AGXT: variants seen among roughly 807,000 people sequenced by gnomAD.
The protein encoded by AGXT is alanine--glyoxylate aminotransferase.
In AGXT, 41 loss-of-function variants were observed where a neutral mutation model predicts 46.9. The observed-to-expected ratio is 0.88, with a 90% confidence interval of 0.68 to 1.14. AGXT has a LOEUF of 1.14. AGXT is among the 50% of genes most tolerant of loss of function. AGXT has a pLI of 0.00. For missense variants in AGXT, 525 were observed against 522.7 expected, an observed-to-expected ratio of 1.00 and a Z score of -0.04; for synonymous variants, 244 against 227.9, an observed-to-expected ratio of 1.07 and a Z score of -0.64.
At chr2:240,877,892 C>T (rs1328593536) in intron 9 of AGXT, 130 bp from the exon 10 acceptor site, 3 of 1,329,744 alleles carry the variant, frequency 2.3e-6, no homozygotes, top group East Asian at 4.8e-5. Flanking sequence ...GGGGTCCCTG[C>T]TCTCTCCCGG....
chr2:240,874,071 C>A lies in AGXT; in HGVS notation c.680+9C>A. On this transcript the variant is annotated intron_variant, in intron 6 of 10. Coordinates refer to ENST00000307503, the MANE Select transcript of AGXT (RefSeq NM_000030.3). ...TTCAGTGACAAGGCCAAGTGAGTGACCCACAGACCCTCACCTCTGTGCAGG... is the reference window on the plus strand; with the variant it reads ...TTCAGTGACAAGGCCAAGTGAGTGAACCACAGACCCTCACCTCTGTGCAGG... The A allele has an allele frequency of 6.2e-7, 1 of 1,612,774 alleles. No individual in the cohort carries two copies. Among genetic ancestry groups the A allele is most frequent in the Non-Finnish European group, 8.5e-7 (1 of 1,179,376 alleles).
intron 2 of AGXT, 38 bp downstream of exon 2, chr2:240,869,400 A>G (rs754284892): frequency 2.6e-6 from 4 of 1,520,192 alleles, no homozygotes; most frequent in Admixed American, 2.0e-5. Flanking sequence ...CCCTGGATCC[A>G]TCCTTCAAGG....
intron 8 of AGXT, among the ~76,000 whole-genome samples, chr2:240,876,742 G>A (rs1310713961): frequency 1.3e-5 from 2 of 152,210 alleles, no homozygotes; most frequent in African/African-American, 2.4e-5. Flanking sequence ...GTGCCAGGGT[G>A]CCCCTGTAAG....
chr2:240,879,064 C>G lies in AGXT; in HGVS notation c.*243C>G, dbSNP rs2059043714. 1.7e-6 allele frequency: 1 copy of G among 592,526 alleles called. No individual in the cohort carries two copies. The highest frequency in any genetic ancestry group is 2.0e-5 in the South Asian group (1 of 50,670). 36.7% of individuals were successfully genotyped at this position (592,526 alleles called of 1,614,324 possible). ...AGTGCCTTCCAAATGAGCTGCAGTCCCCAGGCCATGAGCCTCCCGGGAATG... is the reference window on the plus strand; with the variant it reads ...AGTGCCTTCCAAATGAGCTGCAGTCGCCAGGCCATGAGCCTCCCGGGAATG... On this transcript the variant is annotated 3_prime_UTR_variant, in exon 11 of 11. Coordinates refer to ENST00000307503, the MANE Select transcript of AGXT (RefSeq NM_000030.3).
In AGXT at chr2:240,877,646, T is replaced by C; in HGVS notation, c.942+14T>C. ...GTGAAGGACCCGGTAAGGAGGCCCCTGGCATTGGGCAGCCCTGCACCCATG... is the reference window on the plus strand; with the variant it reads ...GTGAAGGACCCGGTAAGGAGGCCCCCGGCATTGGGCAGCCCTGCACCCATG... On this transcript the variant is annotated intron_variant, in intron 9 of 10. Coordinates refer to ENST00000307503, the MANE Select transcript of AGXT (RefSeq NM_000030.3). 7.7e-6 allele frequency: 12 copies of C among 1,550,128 alleles called. No homozygotes were observed. Among genetic ancestry groups the C allele is most frequent in the Non-Finnish European group, 9.6e-6 (11 of 1,146,702 alleles).
In AGXT at chr2:240,869,351, G is replaced by T. The variant is rs754372326; in HGVS notation, c.347G>T (p.Gly116Val). The T allele has an allele frequency of 2.5e-6, 4 of 1,597,030 alleles. No individual in the cohort carries two copies. Among genetic ancestry groups the T allele is most frequent in the Non-Finnish European group, 3.4e-6 (4 of 1,170,592 alleles). The change falls in exon 2 of 11, where the codon GGG (glycine) becomes GTG (valine). Residue 116 changes from glycine (G) to valine (V), a missense_variant. Gly to Val is a moderately radical substitution (Grantham distance 109). Transcript: ENST00000307503. ...GIWGQRAVDIGERIGARVHPM... is the reference protein window; with the variant it reads ...GIWGQRAVDIVERIGARVHPM... ...TGGGGGCAGCGAGCCGTGGACATCG[G>T]GGAGCGCATAGGTAAGGGAGAGGCC...
chr2:240,876,310 G>A (rs562342783), intron 8 of AGXT, among the ~76,000 whole-genome samples: 3 of 152,304 alleles, frequency 2.0e-5, no homozygotes, highest in East Asian at 1.9e-4. Flanking sequence ...AGGGGAGGCC[G>A]AAGGGGCCAG....
intron 4 of AGXT, 83 bp downstream of exon 4, chr2:240,871,532 C>T (rs961189534): frequency 1.5e-6 from 2 of 1,301,376 alleles, no homozygotes; most frequent in Non-Finnish European, 2.2e-6. Context: ...CCCTCTGGTC[C>T]TTCTGCCCCT....
rs1423387274 is a variant in AGXT, at chr2:240,879,957, T to C, written c.*1136T>C. 6.6e-6 allele frequency: 1 copy of C among 151,628 alleles called. No homozygotes were observed. The highest frequency in any genetic ancestry group is 1.5e-5 in the Non-Finnish European group (1 of 67,980). 9.4% of individuals were successfully genotyped at this position (151,628 alleles called of 1,614,324 possible). ...TGCCGTCCCGTCATATGGACGTGCG[T>C]CGTGGGCGCCGGTGTGTCTTGTTGC... On this transcript the variant is annotated 3_prime_UTR_variant, in exon 11 of 11. Transcript: ENST00000307503.
chr2:240,877,603 C>A lies in AGXT; in HGVS notation c.913C>A (p.Leu305Met). ...GTATCTGCATGGGCGCCTGCAGGCACTGGGGCTGCAGCTCTTCGTGAAGGA... is the reference window on the plus strand; with the variant it reads ...GTATCTGCATGGGCGCCTGCAGGCAATGGGGCTGCAGCTCTTCGTGAAGGA... The part of the protein sequence containing the change: ...AAYLHGRLQA[L>M]GLQLFVKDPA... Residue 305 changes from leucine (L) to methionine (M), a missense_variant, in exon 9 of 11, where the codon CTG (leucine) becomes ATG (methionine). Transcript: ENST00000307503. 6.4e-7 allele frequency: 1 copy of A among 1,550,968 alleles called. No homozygotes were observed. The highest frequency in any genetic ancestry group is 1.2e-5 in the South Asian group (1 of 84,082).
At chr2:240,873,113 C>A (rs1035293527) in intron 5 of AGXT, 64 bp downstream of exon 5, 7 of 1,435,508 alleles carry the variant, frequency 4.9e-6, no homozygotes, top group African/African-American at 1.4e-5. Context: ...GTGCAGGAAG[C>A]CCTGCTGGAA....
chr2:240,873,872 G>A lies in AGXT; in HGVS notation c.596-106G>A, dbSNP rs563332008. 7.3e-5 allele frequency: 74 copies of A among 1,010,264 alleles called. 1 individual carries two copies. Among genetic ancestry groups the A allele is most frequent in the South Asian group, 2.5e-4 (19 of 77,276 alleles). 62.6% of individuals were successfully genotyped at this position (1,010,264 alleles called of 1,614,324 possible). ...CTCCCCTGCTATCGTGTACGGATTCGTGGTAGGGTCGTAGCCTACCAGCCC... is the reference window on the plus strand; with the variant it reads ...CTCCCCTGCTATCGTGTACGGATTCATGGTAGGGTCGTAGCCTACCAGCCC... On this transcript the variant is annotated intron_variant, in intron 5 of 10. Transcript: ENST00000307503.
Position 240,869,089 on chromosome 2 carries a change from G to A in AGXT, c.165+59G>A, listed in dbSNP as rs117159232. On this transcript the variant is annotated intron_variant, in intron 1 of 10. Transcript: ENST00000307503. ...TCACCCATGTTCCCACCCACAGATC[G>A]TGGACGAGGGAAGGGGGTCACTGCC... 2.5e-4 allele frequency: 392 copies of A among 1,590,508 alleles called. 1 individual carries two copies. The highest frequency in any genetic ancestry group is 9.2e-4 in the African/African-American group (60 of 65,342).
At chr2:240,871,627 C>T (rs2058991399) in intron 4 of AGXT, among the ~76,000 whole-genome samples, 178 bp downstream of exon 4, 1 of 152,322 alleles carries the variant, frequency 6.6e-6, no homozygotes, top group Middle Eastern at 3.4e-3. Flanking sequence ...CTAAAGACAA[C>T]CCCAGGTCCC....
At chr2:240,869,091 G>A in intron 1 of AGXT, 61 bp downstream of exon 1, 1 of 1,611,900 alleles carries the variant, frequency 6.2e-7, no homozygotes, top group Non-Finnish European at 8.5e-7. Context: ...CACAGATCGT[G>A]GACGAGGGAA....
intron 3 of AGXT, 111 bp downstream of exon 3, chr2:240,870,819 C>A: frequency 2.7e-6 from 3 of 1,094,098 alleles, no homozygotes; most frequent in Admixed American, 2.1e-5. Context: ...GGCCGGGAGG[C>A]TGGTGGCTGA....
At chr2:240,878,587 T>TC in intron 10 of AGXT, 127 bp from the exon 11 acceptor site, 6 of 880,790 alleles carry the variant, frequency 6.8e-6, no homozygotes, top group Non-Finnish European at 1.1e-5. Context: ...GGCTGTCAAC[T>TC]CCCCTCATGG....
Position 240,873,985 on chromosome 2 carries a change from C to T in AGXT, c.603C>T (p.Asp201=). ...TPLYMDRQGI[D]ILYSGSQKAL... is the part of the protein sequence containing the mutation. ...CAAACCACCCATCTACAGGCATCGA[C>T]ATCCTGTACTCGGGCTCCCAGAAGG... is the stretch of plus-strand genomic sequence containing the variant. The change falls in exon 6 of 11, where the codon GAC becomes GAT. Residue 201 remains aspartate (D), a synonymous_variant. Transcript: ENST00000307503. 1 of 1,613,666 alleles carries T rather than the reference C, an allele frequency of 6.2e-7. No homozygotes were observed. Among genetic ancestry groups the T allele is most frequent in the Non-Finnish European group, 8.5e-7 (1 of 1,179,992 alleles).
rs758413374 is a variant in AGXT, at chr2:240,878,163, G to C, written c.1071+13G>C. 6.8e-6 allele frequency: 11 copies of C among 1,611,860 alleles called. No individual in the cohort carries two copies. Among genetic ancestry groups the C allele is most frequent in the Admixed American group, 1.7e-5 (1 of 59,992 alleles). On this transcript the variant is annotated intron_variant, in intron 10 of 10. Coordinates refer to ENST00000307503, the MANE Select transcript of AGXT (RefSeq NM_000030.3). ...CTCCACGGGGAAGGTGAGAGGGAGC[G>C]CCTCGAGGGCCTTTTGCAGAAACCA...
Sources: allele counts gnomAD v4.1 joint callset (sites outside exome capture counted in the v4.1 genomes callset), GRCh38; gene constraint gnomAD v4.1.1; transcripts MANE v1.5; gene names NCBI Gene and HGNC (gene_info 2026-07-23, HGNC 2026-07-21).